PTGR3: variants seen among roughly 807,000 people sequenced by gnomAD.
PTGR3 encodes zinc binding alcohol dehydrogenase domain containing 2.
At chr18:75,206,087 T>A in the PTGR3 span, among the ~76,000 whole-genome samples, 1 of 152,200 alleles carries the variant, frequency 6.6e-6, no homozygotes. Context: ...TTCTAAGGAC[T>A]GAGCATAGAG....
chr18:75,202,106 G>A, the PTGR3 span: 44 of 1,614,070 alleles, frequency 2.7e-5, no homozygotes, highest in Admixed American at 3.7e-4. Flanking sequence ...TAAGATACTC[G>A]GGTTTCACTG....
chr18:75,203,492 C>T, the PTGR3 span, among the ~76,000 whole-genome samples: 63 of 152,284 alleles, frequency 4.1e-4, no homozygotes, highest in Non-Finnish European at 7.5e-4. Flanking sequence ...TAATACTCTG[C>T]GCTTATAAAA....
chr18:75,201,815 A>G, the PTGR3 span: 1 of 1,614,186 alleles, frequency 6.2e-7, no homozygotes, highest in Middle Eastern at 1.6e-4. Context: ...CAACAGATTC[A>G]TAGACCACAT....
At chr18:75,208,344 G>A in the PTGR3 span, 2 of 986,578 alleles carry the variant, frequency 2.0e-6, no homozygotes, top group African/African-American at 1.7e-5. Flanking sequence ...CTCCGCCACT[G>A]CGAGGCGGCT....
At chr18:75,204,317 C>A in the PTGR3 span, among the ~76,000 whole-genome samples, 1 of 152,362 alleles carries the variant, frequency 6.6e-6, no homozygotes, top group South Asian at 2.1e-4. Flanking sequence ...AGAGATGGAG[C>A]AGGACGCACA....
the PTGR3 span, chr18:75,205,561 A>C: frequency 6.8e-6 from 6 of 882,620 alleles, no homozygotes; most frequent in South Asian, 1.1e-4. Flanking sequence ...AAAGTGCTAA[A>C]CCCCCTCGTC....
chr18:75,199,264 T>C, the PTGR3 span: 1 of 152,622 alleles, frequency 6.6e-6, no homozygotes, highest in African/African-American at 2.4e-5. Context: ...TGGTCTTTCA[T>C]CTTTATTACC....
the PTGR3 span, chr18:75,198,730 C>T: frequency 6.6e-6 from 1 of 152,288 alleles, no homozygotes; most frequent in Non-Finnish European, 1.5e-5. Flanking sequence ...CGGCTGGTGA[C>T]CTTAAGCCCG....
chr18:75,204,541 C>A, the PTGR3 span, among the ~76,000 whole-genome samples: 49 of 152,326 alleles, frequency 3.2e-4, no homozygotes, highest in African/African-American at 9.9e-4. Flanking sequence ...ACGCGCGGGG[C>A]CCGCGTGCCC....
the PTGR3 span, chr18:75,208,752 G>C: frequency 8.6e-7 from 1 of 1,162,010 alleles, no homozygotes; most frequent in South Asian, 3.3e-5. Flanking sequence ...GCGCCGGAGT[G>C]TGGGCACGCG....
chr18:75,201,471 T>C, the PTGR3 span: 2 of 1,613,924 alleles, frequency 1.2e-6, no homozygotes, highest in East Asian at 4.5e-5. Context: ...TCCAGTGTTT[T>C]TTCCCATGTA....
chr18:75,201,410 C>G, the PTGR3 span: 3 of 1,597,000 alleles, frequency 1.9e-6, no homozygotes, highest in Non-Finnish European at 1.7e-6. Context: ...TGTCATTGTT[C>G]TGTTTTTACA....
chr18:75,208,780 G>T, the PTGR3 span: 361 of 1,302,378 alleles, frequency 2.8e-4, no homozygotes, highest in African/African-American at 4.6e-3. Flanking sequence ...TGGGGACTGC[G>T]GGAGCGGCGC....
At chr18:75,196,396 G>A in the PTGR3 span, 1 of 152,210 alleles carries the variant, frequency 6.6e-6, no homozygotes, top group East Asian at 1.9e-4. Flanking sequence ...GGGAGGCCGA[G>A]GTGGGAGGAT....
At chr18:75,203,964 C>T in the PTGR3 span, among the ~76,000 whole-genome samples, 1 of 152,198 alleles carries the variant, frequency 6.6e-6, no homozygotes, top group Non-Finnish European at 1.5e-5. Flanking sequence ...GAAAGGTGCC[C>T]GTGGGGGTGG....
chr18:75,198,955 C>T, the PTGR3 span: 4 of 152,726 alleles, frequency 2.6e-5, no homozygotes, highest in African/African-American at 9.6e-5. Flanking sequence ...GAAACTGATG[C>T]TGAACTATGA....
At chr18:75,204,844 G>A in the PTGR3 span, among the ~76,000 whole-genome samples, 1 of 152,150 alleles carries the variant, frequency 6.6e-6, no homozygotes, top group Non-Finnish European at 1.5e-5. Context: ...GGGTGGACAA[G>A]TTCTCTCCGA....
the PTGR3 span, chr18:75,199,764 A>G: frequency 6.6e-6 from 1 of 152,656 alleles, no homozygotes; most frequent in Non-Finnish European, 1.5e-5. Context: ...CAGTGGCAAT[A>G]GCCTCTAGTG....
the PTGR3 span, among the ~76,000 whole-genome samples, chr18:75,202,794 G>T: frequency 6.6e-6 from 1 of 152,078 alleles, no homozygotes; most frequent in African/African-American, 2.4e-5. Flanking sequence ...AACAACACTG[G>T]GATAAAATAT....
Sources: allele counts gnomAD v4.1 joint callset (sites outside exome capture counted in the v4.1 genomes callset), GRCh38; gene constraint gnomAD v4.1.1; transcripts MANE v1.5; gene names NCBI Gene and HGNC (gene_info 2026-07-23, HGNC 2026-07-21).